ALDH3B1: variants seen among roughly 807,000 people sequenced by gnomAD.
The protein encoded by ALDH3B1 is aldehyde dehydrogenase family 3 member B1.
In ALDH3B1, 37 loss-of-function variants were observed where a neutral mutation model predicts 46.2. The ratio of observed to expected loss-of-function variants is 0.80; its 90% confidence interval spans 0.62 to 1.05. The LOEUF (loss-of-function observed/expected upper bound fraction) is 1.05. ALDH3B1 is among the 50% of genes least tolerant of loss of function. The probability of loss-of-function intolerance (pLI) is 0.00; values close to 1 mark genes in which losing one functional copy is unlikely to be tolerated. For synonymous variants in ALDH3B1, 283 were observed against 281.0 expected, an observed-to-expected ratio of 1.01 and a Z score of -0.07; for missense variants, 603 against 665.5, an observed-to-expected ratio of 0.91 and a Z score of 1.03.
At chr11:68,009,496 G>A (rs757002207), upstream of ALDH3B1, among the ~76,000 whole-genome samples, 5 of 152,304 alleles carry the variant, frequency 3.3e-5, no homozygotes, top group African/African-American at 4.8e-5. Context: ...GTCAAGAGCC[G>A]AGCTCCCTGA....
chr11:68,018,383 C>T (rs919410156), intron 2 of ALDH3B1, 144 bp from the exon 3 acceptor site: 17 of 693,500 alleles, frequency 2.5e-5, no homozygotes, highest in African/African-American at 3.6e-5. Context: ...ACAGGAAGCA[C>T]GCACTGAACA....
chr11:68,029,255 A>G lies in ALDH3B1; in HGVS notation c.*1316A>G, dbSNP rs1854681649. On this transcript the variant is annotated 3_prime_UTR_variant, in exon 10 of 10. Coordinates refer to ENST00000342456, the MANE Select transcript of ALDH3B1 (RefSeq NM_000694.4). ...TGTCTCTCTGGCTGATGTCACCTGA[A>G]TAAAGCCTTCTTCCCTGGCAATACT... The G allele has an allele frequency of 1.3e-5, 2 of 152,222 alleles. No individual in the cohort carries two copies. Among genetic ancestry groups the G allele is most frequent in the African/African-American group, 2.4e-5 (1 of 41,448 alleles). The allele number at this position is 152,222 out of a possible 1,614,324, so 9.4% of individuals were successfully genotyped here.
At chr11:68,011,960 C>A (rs915776839) in intron 1 of ALDH3B1, among the ~76,000 whole-genome samples, 2 of 152,242 alleles carry the variant, frequency 1.3e-5, no homozygotes, top group African/African-American at 4.8e-5. Context: ...GGTCAAGCAA[C>A]CTGCCCAAGG....
In ALDH3B1 at chr11:68,027,995, T is replaced by C; in HGVS notation, c.*56T>C. ...CATGACAGCTGTCGCCTGCGGCTGG[T>C]GGAGACGGGGCCTGGGCTCCCGGGC... On this transcript the variant is annotated 3_prime_UTR_variant, in exon 10 of 10. Coordinates refer to ENST00000342456, the MANE Select transcript of ALDH3B1 (RefSeq NM_000694.4). 6.4e-7 allele frequency: 1 copy of C among 1,553,334 alleles called. No individual in the cohort carries two copies. Among genetic ancestry groups the C allele is most frequent in the South Asian group, 1.2e-5 (1 of 85,778 alleles).
At position 68,015,410 on chromosome 11, in the gene ALDH3B1, A is replaced by G. The variant is rs1389863377; in HGVS notation, c.113A>G (p.Gln38Arg). 2 of 1,556,918 alleles carry G rather than the reference A, an allele frequency of 1.3e-6. No homozygotes were observed. Among genetic ancestry groups the G allele is most frequent in the African/African-American group, 1.4e-5 (1 of 73,476 alleles). The change falls in exon 2 of 10, where the codon CAA (glutamine) becomes CGA (arginine). Residue 38 changes from glutamine (Q) to arginine (R), a missense_variant. By Grantham distance (43) the Gln-to-Arg change is conservative. Coordinates refer to ENST00000342456, the MANE Select transcript of ALDH3B1 (RefSeq NM_000694.4). ...CTCCAAGGCCTGGGCCGCTTCCTGC[A>G]AGAAAACAAGCAGCTTCTGCACGAC... The part of the protein sequence containing the change: ...AQLQGLGRFL[Q>R]ENKQLLHDAL...
intron 2 of ALDH3B1, chr11:68,018,314 C>T (rs985401422): frequency 1.4e-5 from 8 of 576,392 alleles, no homozygotes; most frequent in Non-Finnish European, 2.5e-5. Flanking sequence ...GAACGACTGC[C>T]CCCTGCAAGG....
At chr11:68,022,564 C>G in intron 7 of ALDH3B1, 31 bp from the exon 8 acceptor site, 1 of 1,610,428 alleles carries the variant, frequency 6.2e-7, no homozygotes. Flanking sequence ...TGACTGTGGC[C>G]CCAGGGCTGA....
upstream of ALDH3B1, among the ~76,000 whole-genome samples, chr11:68,009,281 C>G: frequency 6.6e-6 from 1 of 152,298 alleles, no homozygotes; most frequent in Admixed American, 6.5e-5. Context: ...AAGCACAGGG[C>G]GCTGGGAGAG....
At chr11:68,015,512 G>A in intron 2 of ALDH3B1, 53 bp downstream of exon 2, 1 of 1,554,202 alleles carries the variant, frequency 6.4e-7, no homozygotes, top group Non-Finnish European at 8.7e-7. Context: ...GGGGCATGGA[G>A]GGCAGCTGGG....
intron 2 of ALDH3B1, chr11:68,017,781 T>G (rs937564126): frequency 3.9e-5 from 6 of 152,064 alleles, no homozygotes; most frequent in African/African-American, 1.5e-4. Flanking sequence ...TTTGGGAGAC[T>G]GAGGTGGGAG....
rs538336763 is a variant in ALDH3B1, at chr11:68,028,265, G to A, written c.*326G>A. Reference sequence around the variant, plus strand: ...GAGTCACCCCTCTCCTGTGGAGCGGGCGTCCGAGGGGCCCTGGCATCTGAC... The same window carrying A: ...GAGTCACCCCTCTCCTGTGGAGCGGACGTCCGAGGGGCCCTGGCATCTGAC... On this transcript the variant is annotated 3_prime_UTR_variant, in exon 10 of 10. Transcript: ENST00000342456. The A allele has an allele frequency of 5.7e-5, 27 of 476,106 alleles. No individual in the cohort carries two copies. In the East Asian group the frequency reaches 1.2e-3, roughly 21 times the overall value. The allele number at this position is 476,106 out of a possible 1,614,324, so 29.5% of individuals were successfully genotyped here.
intron 7 of ALDH3B1, among the ~76,000 whole-genome samples, chr11:68,022,149 G>A (rs532834250): frequency 6.6e-5 from 10 of 152,270 alleles, no homozygotes; most frequent in African/African-American, 2.2e-4. Context: ...TCCCACCACT[G>A]GCTATCCTGA....
intron 2 of ALDH3B1, chr11:68,015,901 A>G (rs1857341660): frequency 3.2e-6 from 1 of 313,156 alleles, no homozygotes; most frequent in Non-Finnish European, 6.3e-6. Context: ...CCCCGTCTCT[A>G]CTAACAATAC....
At chr11:68,021,897 C>G in intron 7 of ALDH3B1, 26 bp downstream of exon 7, 11 of 1,564,266 alleles carry the variant, frequency 7.0e-6, no homozygotes, top group Admixed American at 1.8e-5. Context: ...CCTACCACAG[C>G]CCACCTGGGC....
At chr11:68,025,909 G>A in intron 8 of ALDH3B1, 100 bp from the exon 9 acceptor site, 1 of 835,916 alleles carries the variant, frequency 1.2e-6, no homozygotes, top group Non-Finnish European at 1.7e-6. Context: ...CCTTTCTGAG[G>A]CAAGATCAGT....
chr11:68,023,453 G>A (rs1857552650), intron 8 of ALDH3B1, among the ~76,000 whole-genome samples: 2 of 151,916 alleles, frequency 1.3e-5, no homozygotes, highest in Admixed American at 1.3e-4. Flanking sequence ...ACAGGCGTGT[G>A]CCACTATGCC....
At position 68,028,349 on chromosome 11, in the gene ALDH3B1, G is replaced by A; in HGVS notation, c.*410G>A. On this transcript the variant is annotated 3_prime_UTR_variant, in exon 10 of 10. Transcript: ENST00000342456. ...CCATTCCTGCCCTCTCTGAGTCTCA[G>A]TTTTTCCATTTGTTCAGTGGAGAGA... 1 of 363,064 alleles carries A rather than the reference G, an allele frequency of 2.8e-6. No homozygotes were observed. The highest frequency in any genetic ancestry group is 5.4e-6 in the Non-Finnish European group (1 of 184,584). The allele number at this position is 363,064 out of a possible 1,614,324, so 22.5% of individuals were successfully genotyped here.
At chr11:68,009,888 T>C (rs903001837), upstream of ALDH3B1, among the ~76,000 whole-genome samples, 1 of 152,100 alleles carries the variant, frequency 6.6e-6, no homozygotes, top group African/African-American at 2.4e-5. Context: ...AGGGGAGGCA[T>C]TGAGGGAAGG....
chr11:68,009,374 G>A (rs1178051831), upstream of ALDH3B1, among the ~76,000 whole-genome samples: 4 of 152,202 alleles, frequency 2.6e-5, no homozygotes, highest in South Asian at 6.2e-4. Flanking sequence ...TTTGCAGAAG[G>A]GGAAACTGAG....
Sources: allele counts gnomAD v4.1 joint callset (sites outside exome capture counted in the v4.1 genomes callset), GRCh38; gene constraint gnomAD v4.1.1; transcripts MANE v1.5; gene names NCBI Gene and HGNC (gene_info 2026-07-23, HGNC 2026-07-21).